Variants in UBAC2 observed in about 807,000 individuals in gnomAD.
The protein encoded by UBAC2 is ubiquitin-associated domain-containing protein 2.
In UBAC2, 26 loss-of-function variants were observed where a neutral mutation model predicts 44.0. That is an observed-to-expected ratio of 0.59 (90% confidence interval 0.43 to 0.82). The LOEUF is 0.82. Ranked by LOEUF, UBAC2 falls within the 40% of genes least tolerant of loss-of-function variation. The pLI is 0.00. For missense variants in UBAC2, 329 were observed against 419.4 expected (o/e 0.78, Z 1.88); for synonymous variants, 155 against 154.3 (o/e 1.00, Z -0.04).
intron 6 of UBAC2, among the ~76,000 whole-genome samples, chr13:99,339,193 C>T (rs2044847041): frequency 6.6e-6 from 1 of 152,172 alleles, no homozygotes; most frequent in African/African-American, 2.4e-5. Flanking sequence ...GCAGCATCTG[C>T]TGCTTTCTCT....
intron 1 of UBAC2, among the ~76,000 whole-genome samples, chr13:99,237,745 A>T (rs1302765371): frequency 6.6e-6 from 1 of 152,236 alleles, no homozygotes; most frequent in Non-Finnish European, 1.5e-5. Context: ...GCTTGAGCCC[A>T]GGAGTTTGAG....
At chr13:99,344,464 G>C (rs1373956414) in intron 7 of UBAC2, among the ~76,000 whole-genome samples, 1 of 152,068 alleles carries the variant, frequency 6.6e-6, no homozygotes, top group African/African-American at 2.4e-5. Flanking sequence ...GTTTGCTCCT[G>C]TATCTTTTAT....
intron 2 of UBAC2, 49 bp from the exon 3 acceptor site, chr13:99,243,783 C>T (rs373025732): frequency 4.3e-5 from 66 of 1,529,720 alleles, no homozygotes; most frequent in East Asian, 1.7e-4. Context: ...GGAAGAGACC[C>T]GAACAAATTT....
In UBAC2 at chr13:99,347,321, C is replaced by G. The variant is rs112971737; in HGVS notation, c.807+6756C>G. On this transcript the variant is annotated intron_variant, in intron 7 of 8. Transcript: ENST00000403766. The stretch of plus-strand genomic sequence containing the variant: ...TTCAGACGTTACTATCCCCGGGCGC[C>G]CCCCCCCCCCCCCAGGAAAAAAAAG... 5.3e-4 allele frequency among the ~76,000 whole-genome samples: 6 copies of G among 11,400 alleles called. 1 individual carries two copies. The highest frequency in any genetic ancestry group is 1.6e-3 in the Admixed American group (4 of 2,476). The allele number at this position is 11,400 out of a possible 152,430, so 7.5% of individuals were successfully genotyped here. A position where few individuals can be genotyped will look rare whatever the true frequency, so the allele number is the denominator to read the frequency against.
chr13:99,226,235 A>G (rs2043108641), intron 1 of UBAC2, among the ~76,000 whole-genome samples: 1 of 152,194 alleles, frequency 6.6e-6, no homozygotes, highest in East Asian at 1.9e-4. Context: ...GGTAGGAAAG[A>G]CAACATGTCA....
At chr13:99,307,869 T>G (rs2044359339) in intron 4 of UBAC2, 2 of 152,134 alleles carry the variant, frequency 1.3e-5, no homozygotes, top group Admixed American at 1.3e-4. Flanking sequence ...ATCCACAGCT[T>G]ATGAGAAAGA....
intron 7 of UBAC2, among the ~76,000 whole-genome samples, chr13:99,362,774 T>G (rs2138883840): frequency 6.6e-6 from 1 of 152,370 alleles, no homozygotes; most frequent in Non-Finnish European, 1.5e-5. Flanking sequence ...CTCATTGATT[T>G]GTAACTTTTG....
At chr13:99,302,733 T>G (rs2044274693) in intron 4 of UBAC2, among the ~76,000 whole-genome samples, 1 of 152,226 alleles carries the variant, frequency 6.6e-6, no homozygotes, top group African/African-American at 2.4e-5. Context: ...TGTGGAGCTG[T>G]GACCAGCATA....
chr13:99,280,150 G>T (rs73568008), intron 4 of UBAC2, among the ~76,000 whole-genome samples: 1,626 of 152,246 alleles, frequency 0.011, 31 homozygotes, highest in African/African-American at 0.038. Flanking sequence ...CTACAAAGGA[G>T]ATCTGGTCTT....
chr13:99,326,573 G>T (rs2044643490), intron 6 of UBAC2, among the ~76,000 whole-genome samples: 3 of 152,088 alleles, frequency 2.0e-5, no homozygotes, highest in Middle Eastern at 3.2e-3. Flanking sequence ...TATACTACAT[G>T]ATTGTCAGGA....
At chr13:99,283,508 TGATTTAAATGAATAGCCA>T (rs1366979057) in intron 4 of UBAC2, among the ~76,000 whole-genome samples, 4 of 152,108 alleles carry the variant, frequency 2.6e-5, no homozygotes, top group Non-Finnish European at 4.4e-5. Context: ...CATATGTTCC[TGATTTAAATGAATAGCCA>T]GATTTAAATG....
chr13:99,338,047 C>CTTTTTCTTTTT lies in UBAC2; in HGVS notation c.562-2268_562-2267insCTTTTTTTTTT, dbSNP rs2044821100. On this transcript the variant is annotated intron_variant, in intron 6 of 8. Coordinates refer to ENST00000403766, the MANE Select transcript of UBAC2 (RefSeq NM_001144072.2). ...ATCTCCTAACTTTTTTTCTTTTTTTCTTTTTTTTTTTTTTTTTTTTTTTTT... is the reference window on the plus strand; with the variant it reads ...ATCTCCTAACTTTTTTTCTTTTTTTCTTTTTCTTTTTTTTTTTTTTTTTTTTTTTTTTTTTT... Among the ~76,000 whole-genome samples the CTTTTTCTTTTT allele has an allele frequency of 1.1e-3, 52 of 48,866 alleles. 1 individual carries two copies. Among genetic ancestry groups the CTTTTTCTTTTT allele is most frequent in the African/African-American group, 3.4e-3 (48 of 14,114 alleles). 32.1% of individuals were successfully genotyped at this position (48,866 alleles called of 152,430 possible). A position where few individuals can be genotyped will look rare whatever the true frequency, so the allele number is the denominator to read the frequency against.
rs757651803 is a variant in UBAC2, at chr13:99,244,548, T to G, written c.313T>G (p.Leu105Val). The G allele has an allele frequency of 9.9e-6, 16 of 1,613,476 alleles. No individual in the cohort carries two copies. The East Asian group carries it at 3.4e-4, about 34-fold the overall frequency. Reference sequence around the variant, plus strand: ...GCTGGGTTCCTGGGTTTTGTCAGCCTTATTTGACTTTCTCCTCATTGAAGC... The same window carrying G: ...GCTGGGTTCCTGGGTTTTGTCAGCCGTATTTGACTTTCTCCTCATTGAAGC... ...FLLGSWVLSA[L>V]FDFLLIEAMQ... Residue 105 changes from leucine (L) to valine (V), a missense_variant, in exon 4 of 9, where the codon TTA (leucine) becomes GTA (valine). Leu to Val is a conservative substitution (Grantham distance 32). Transcript: ENST00000403766.
At chr13:99,246,799 A>G (rs759973681) in intron 4 of UBAC2, among the ~76,000 whole-genome samples, 1 of 152,222 alleles carries the variant, frequency 6.6e-6, no homozygotes, top group Non-Finnish European at 1.5e-5. Context: ...GAAAAGTTGT[A>G]GCATCCCCTT....
intron 4 of UBAC2, among the ~76,000 whole-genome samples, chr13:99,274,488 C>G (rs891104694): frequency 3.4e-5 from 5 of 147,470 alleles, no homozygotes; most frequent in African/African-American, 1.2e-4. Flanking sequence ...CCAGGACTGG[C>G]TAGTTTTTTT....
intron 4 of UBAC2, among the ~76,000 whole-genome samples, chr13:99,274,316 A>G (rs1193125897): frequency 2.7e-5 from 4 of 150,206 alleles, no homozygotes; most frequent in Admixed American, 2.0e-4. Context: ...TGTGAATACC[A>G]CCATCTATCC....
rs549304167 is a variant in UBAC2, at chr13:99,339,022, C to A, written c.562-1298C>A. Among the ~76,000 whole-genome samples the A allele has an allele frequency of 2.6e-5, 4 of 152,108 alleles. No homozygotes were observed. The East Asian group carries it at 5.8e-4, about 22-fold the overall frequency. On this transcript the variant is annotated intron_variant, in intron 6 of 8. Transcript: ENST00000403766. Reference sequence around the variant, plus strand: ...TTCTGCTGTGTCTCCTCCTCCCCCCCATTTTATCTCCTCTAGTCCTGTTAC... The same window carrying A: ...TTCTGCTGTGTCTCCTCCTCCCCCCAATTTTATCTCCTCTAGTCCTGTTAC...
chr13:99,246,793 AGTT>A (rs150598370), intron 4 of UBAC2, among the ~76,000 whole-genome samples: 1,627 of 152,328 alleles, frequency 0.011, 31 homozygotes, highest in African/African-American at 0.038. Flanking sequence ...TAAATTGAAA[AGTT>A]GTAGCATCCC....
intron 6 of UBAC2, among the ~76,000 whole-genome samples, chr13:99,326,695 G>C (rs1389484512): frequency 6.6e-6 from 1 of 152,170 alleles, no homozygotes; most frequent in East Asian, 1.9e-4. Flanking sequence ...TTGCATGAAT[G>C]ATGGGTGGTA....
Sources: gnomAD v4.1 joint callset for allele counts (sites outside exome capture counted in the v4.1 genomes callset) on GRCh38, gnomAD v4.1.1 for gene constraint, MANE v1.5 for transcripts, NCBI Gene and HGNC (gene_info 2026-07-23, HGNC 2026-07-21) for gene names.